SUZ12: variants seen among roughly 807,000 people sequenced by gnomAD.
The protein encoded by SUZ12 is SUZ12 polycomb repressive complex 2 subunit, also known as polycomb protein SUZ12.
A neutral mutation model predicts 87.3 loss-of-function variants in SUZ12; 17 were observed. The ratio of observed to expected loss-of-function variants is 0.19; its 90% confidence interval spans 0.13 to 0.29. SUZ12 has a LOEUF of 0.29. Ranked by LOEUF, SUZ12 falls within the 10% of genes least tolerant of loss-of-function variation. The probability of loss-of-function intolerance (pLI) is 1.00; values close to 1 mark genes in which losing one functional copy is unlikely to be tolerated. For missense variants in SUZ12, 526 were observed against 912.2 expected, an observed-to-expected ratio of 0.58 and a Z score of 5.45; for synonymous variants, 253 against 312.4, an observed-to-expected ratio of 0.81 and a Z score of 2.01.
intron 4 of SUZ12, among the ~76,000 whole-genome samples, chr17:31,955,141 G>A (rs8071694): frequency 0.046 from 7,058 of 151,920 alleles, 507 homozygotes; most frequent in African/African-American, 0.16. Flanking sequence ...TTGCCCTGTC[G>A]CTGAGGTGGC....
intron 3 of SUZ12, among the ~76,000 whole-genome samples, chr17:31,940,940 G>A (rs1262225542): frequency 6.6e-6 from 1 of 151,628 alleles, no homozygotes; most frequent in Non-Finnish European, 1.5e-5. Flanking sequence ...AGCCCGGGAG[G>A]TGGAGGTTGC....
At chr17:31,944,933 TG>T (rs1483945424) in intron 3 of SUZ12, among the ~76,000 whole-genome samples, 1 of 151,960 alleles carries the variant, frequency 6.6e-6, no homozygotes, top group African/African-American at 2.4e-5. Context: ...CTGGGCGTGG[TG>T]GCTCATGACT....
intron 9 of SUZ12, 84 bp from the exon 10 acceptor site, chr17:31,988,235 CT>C: frequency 7.5e-7 from 1 of 1,333,178 alleles, no homozygotes; most frequent in Non-Finnish European, 1.0e-6. Flanking sequence ...TCCACATTGA[CT>C]TATAATGAAT....
At chr17:31,984,903 C>A (rs1469584149) in intron 9 of SUZ12, among the ~76,000 whole-genome samples, 2 of 152,118 alleles carry the variant, frequency 1.3e-5, no homozygotes, top group Non-Finnish European at 2.9e-5. Flanking sequence ...TGCCTGTAAT[C>A]CCAGCACTTT....
At chr17:31,953,264 C>T (rs1907093673) in intron 4 of SUZ12, among the ~76,000 whole-genome samples, 1 of 152,078 alleles carries the variant, frequency 6.6e-6, no homozygotes, top group Non-Finnish European at 1.5e-5. Flanking sequence ...TGCCACCACA[C>T]CTGGCTAATT....
intron 4 of SUZ12, among the ~76,000 whole-genome samples, chr17:31,949,091 A>G (rs1282320540): frequency 2.6e-5 from 4 of 152,142 alleles, no homozygotes; most frequent in African/African-American, 7.2e-5. Context: ...TGAACCAACA[A>G]CAGGAACACT....
Position 31,937,223 on chromosome 17 carries a change from CG to C in SUZ12, c.-18del, listed in dbSNP as rs1336853189. On this transcript the variant is annotated 5_prime_UTR_variant, in exon 1 of 16. Transcript: ENST00000322652. ...CCGGGGCCGCCCGGCGGGTAGCTGG[CG>C]GGGGGAGGAGGCAGGAACCGCGATG... is the stretch of plus-strand genomic sequence containing the variant. The C allele has an allele frequency of 5.0e-5, 70 of 1,396,988 alleles. No homozygotes were observed. The highest frequency in any genetic ancestry group is 5.8e-5 in the Non-Finnish European group (63 of 1,086,078). 86.5% of individuals were successfully genotyped at this position (1,396,988 alleles called of 1,614,324 possible). A position where few individuals can be genotyped will look rare whatever the true frequency, so the allele number is the denominator to read the frequency against.
intron 4 of SUZ12, among the ~76,000 whole-genome samples, chr17:31,965,181 C>G (rs1250612547): frequency 6.6e-6 from 1 of 152,030 alleles, no homozygotes; most frequent in Non-Finnish European, 1.5e-5. Context: ...CTTTACTAGT[C>G]CTTAGTGCCC....
chr17:31,993,435 T>A, intron 11 of SUZ12, 102 bp downstream of exon 11: 2 of 841,462 alleles, frequency 2.4e-6, no homozygotes, highest in Non-Finnish European at 1.8e-6. Context: ...TTTATTTATT[T>A]ATTTGAGACA....
At chr17:31,968,604 T>TA (rs1422941933) in intron 5 of SUZ12, among the ~76,000 whole-genome samples, 2 of 152,218 alleles carry the variant, frequency 1.3e-5, no homozygotes, top group Non-Finnish European at 2.9e-5. Context: ...TTCTAGTTTT[T>TA]ACCTTAGATC....
chr17:31,967,815 A>G (rs1205261765), intron 5 of SUZ12, among the ~76,000 whole-genome samples: 5 of 152,212 alleles, frequency 3.3e-5, no homozygotes, highest in African/African-American at 7.2e-5. Context: ...ACAGTGAGCT[A>G]TGATTGCACA....
In SUZ12 at chr17:31,956,198, C is replaced by T. The variant is rs542841638; in HGVS notation, c.455+8513C>T. On this transcript the variant is annotated intron_variant, in intron 4 of 15. Coordinates refer to ENST00000322652, the MANE Select transcript of SUZ12 (RefSeq NM_015355.4). The stretch of plus-strand genomic sequence containing the variant: ...AAAGTGCTGGGATTACAGGCGTGAG[C>T]CACCACGCCCAGCCAGTATTACTAT... Among the ~76,000 whole-genome samples, 340 of 152,078 alleles carry T rather than the reference C, an allele frequency of 2.2e-3. 2 individuals carry two copies. Among genetic ancestry groups the T allele is most frequent in the African/African-American group, 7.7e-3 (318 of 41,482 alleles).
chr17:31,949,108 T>G (rs909333527), intron 4 of SUZ12, among the ~76,000 whole-genome samples: 1 of 152,312 alleles, frequency 6.6e-6, no homozygotes, highest in East Asian at 1.9e-4. Context: ...CACTGGACCC[T>G]TCTCTTCATC....
intron 10 of SUZ12, among the ~76,000 whole-genome samples, chr17:31,991,851 C>T (rs1194060102): frequency 5.3e-5 from 8 of 151,946 alleles, no homozygotes; most frequent in East Asian, 1.9e-4. Flanking sequence ...CTGCCCACCT[C>T]GGCCTCCCAA....
At chr17:31,941,923 G>A (rs1308735094) in intron 3 of SUZ12, among the ~76,000 whole-genome samples, 1 of 151,936 alleles carries the variant, frequency 6.6e-6, no homozygotes, top group Non-Finnish European at 1.5e-5. Context: ...TGCGATATCG[G>A]CTCACTGCAA....
chr17:31,965,005 C>T (rs1908005708), intron 4 of SUZ12, among the ~76,000 whole-genome samples: 1 of 149,878 alleles, frequency 6.7e-6, no homozygotes, highest in African/African-American at 2.4e-5. Context: ...AAGAGGAGTC[C>T]TGGTCAAATT....
At chr17:31,977,074 A>C (rs1380560934) in intron 8 of SUZ12, among the ~76,000 whole-genome samples, 2 of 152,152 alleles carry the variant, frequency 1.3e-5, no homozygotes, top group African/African-American at 4.8e-5. Flanking sequence ...ACTTAAATGG[A>C]CTGGGCCCTA....
At chr17:31,959,040 CT>C (rs1366454327) in intron 4 of SUZ12, among the ~76,000 whole-genome samples, 1 of 152,032 alleles carries the variant, frequency 6.6e-6, no homozygotes, top group Non-Finnish European at 1.5e-5. Flanking sequence ...TAAATAAAAT[CT>C]GTAGACTACC....
At chr17:31,996,999 C>T in intron 15 of SUZ12, 122 bp downstream of exon 15, 1 of 685,206 alleles carries the variant, frequency 1.5e-6, no homozygotes, top group Non-Finnish European at 2.1e-6. Context: ...GTATATTTGT[C>T]CCAAATTTTA....
Sources: allele counts gnomAD v4.1 joint callset (sites outside exome capture counted in the v4.1 genomes callset), GRCh38; gene constraint gnomAD v4.1.1; transcripts MANE v1.5; gene names NCBI Gene and HGNC (gene_info 2026-07-23, HGNC 2026-07-21).